The following PHF20 variants were observed in gnomAD, a reference collection of about 807,000 sequenced individuals.
PHF20 encodes the protein glioma-expressed antigen 2.
In PHF20, 23 loss-of-function variants were observed where a neutral mutation model predicts 113.5. The observed-to-expected ratio is 0.20, with a 90% CI of 0.15 to 0.29. The LOEUF (loss-of-function observed/expected upper bound fraction) is 0.29, where lower values mean the gene tolerates loss of function less well. Among genes scored for constraint, PHF20 ranks in the 10% least tolerant of loss-of-function variants. PHF20 has a pLI of 1.00. For synonymous variants in PHF20, 434 were observed against 457.3 expected (o/e 0.95, Z 0.65); for missense variants, 943 against 1,219.6 (o/e 0.77, Z 3.38).
At chr20:35,837,595 A>G (rs1475041647) in intron 2 of PHF20, among the ~76,000 whole-genome samples, 1 of 152,226 alleles carries the variant, frequency 6.6e-6, no homozygotes, top group Non-Finnish European at 1.5e-5. Context: ...TAAAATTGCT[A>G]TTTTGGTAGG....
intron 2 of PHF20, among the ~76,000 whole-genome samples, chr20:35,823,361 G>A (rs2042204398): frequency 6.6e-6 from 1 of 150,452 alleles, no homozygotes; most frequent in African/African-American, 2.5e-5. Context: ...AGCACCTTGG[G>A]AGGACAACGT....
intron 13 of PHF20, among the ~76,000 whole-genome samples, chr20:35,923,476 CAAA>C (rs1244547043): frequency 2.0e-5 from 3 of 152,046 alleles, no homozygotes; most frequent in African/African-American, 7.2e-5. Flanking sequence ...AAAATTTAAA[CAAA>C]GAAGCCCATT....
intron 1 of PHF20, among the ~76,000 whole-genome samples, chr20:35,799,934 G>A (rs1343096714): frequency 2.0e-5 from 3 of 152,102 alleles, no homozygotes; most frequent in Non-Finnish European, 4.4e-5. Context: ...CAAAGTGTTG[G>A]GATTACAGGC....
intron 6 of PHF20, among the ~76,000 whole-genome samples, chr20:35,869,090 CA>C (rs1189259146): frequency 8.6e-4 from 121 of 140,794 alleles, no homozygotes; most frequent in African/African-American, 8.3e-4. Flanking sequence ...GACTCCATCT[CA>C]AAAAAAAAAA....
chr20:35,920,388 A>G (rs894225201), intron 13 of PHF20, among the ~76,000 whole-genome samples: 1 of 152,194 alleles, frequency 6.6e-6, no homozygotes, highest in African/African-American at 2.4e-5. Context: ...AAGCAACTCT[A>G]TGGAGCTAAG....
chr20:35,773,363 C>T (rs2041102281), intron 1 of PHF20, among the ~76,000 whole-genome samples: 1 of 152,168 alleles, frequency 6.6e-6, no homozygotes, highest in South Asian at 2.1e-4. Flanking sequence ...TGGAGCCACA[C>T]TCCCCTTGAG....
chr20:35,932,619 CAG>C (rs937639793), intron 15 of PHF20, among the ~76,000 whole-genome samples: 50 of 142,270 alleles, frequency 3.5e-4, no homozygotes, highest in African/African-American at 1.3e-3. Context: ...TTAGTAGAGA[CAG>C]GGTTTCACCA....
intron 2 of PHF20, among the ~76,000 whole-genome samples, chr20:35,830,496 C>T (rs567705947): frequency 6.6e-6 from 1 of 152,260 alleles, no homozygotes; most frequent in South Asian, 2.1e-4. Context: ...TTTATCTATT[C>T]ATGTATTAGA....
Position 35,913,499 on chromosome 20 carries a change from C to T in PHF20, c.1660+152C>T, listed in dbSNP as rs2147083136. 3 of 672,888 alleles carry T rather than the reference C, an allele frequency of 4.5e-6. No homozygotes were observed. In the East Asian group the frequency reaches 7.7e-5, roughly 17 times the overall value. 41.7% of individuals were successfully genotyped at this position (672,888 alleles called of 1,614,324 possible). On this transcript the variant is annotated intron_variant, in intron 11 of 17. Transcript: ENST00000374012. ...TTGTGGGCTCAACCTAGTATGGGCC[C>T]TGGAAGGGGAGGCATCCACTCACCC...
chr20:35,780,209 C>T (rs1340450465), intron 1 of PHF20, among the ~76,000 whole-genome samples: 1 of 151,386 alleles, frequency 6.6e-6, no homozygotes, highest in Admixed American at 6.6e-5. Context: ...TTGCCACCCT[C>T]ACCCCAGATT....
intron 1 of PHF20, among the ~76,000 whole-genome samples, chr20:35,779,005 T>G (rs2041230446): frequency 6.6e-6 from 1 of 151,970 alleles, no homozygotes; most frequent in Non-Finnish European, 1.5e-5. Flanking sequence ...GGCTTGGGAT[T>G]TAAACAAAGG....
chr20:35,932,606 T>G (rs2147116677), intron 15 of PHF20, among the ~76,000 whole-genome samples: 1 of 150,818 alleles, frequency 6.6e-6, no homozygotes, highest in East Asian at 2.0e-4. Flanking sequence ...AATTTTTGTA[T>G]TTTTAGTAGA....
intron 3 of PHF20, among the ~76,000 whole-genome samples, chr20:35,842,993 C>T (rs2042559034): frequency 6.6e-6 from 1 of 152,074 alleles, no homozygotes; most frequent in Non-Finnish European, 1.5e-5. Flanking sequence ...ACTGCAGTCT[C>T]CACCTCTCGG....
At chr20:35,820,526 G>A (rs1294534787) in intron 2 of PHF20, among the ~76,000 whole-genome samples, 1 of 148,070 alleles carries the variant, frequency 6.8e-6, no homozygotes, top group African/African-American at 2.5e-5. Flanking sequence ...TTGGCTCACT[G>A]CAAGCTCCGC....
chr20:35,799,704 G>C (rs538664755), intron 1 of PHF20, among the ~76,000 whole-genome samples: 1 of 151,516 alleles, frequency 6.6e-6, no homozygotes, highest in East Asian at 1.9e-4. Context: ...GTCTTGCTCT[G>C]TCACCCAGGC....
At chr20:35,933,522 G>T (rs1439979063) in intron 15 of PHF20, among the ~76,000 whole-genome samples, 1 of 151,498 alleles carries the variant, frequency 6.6e-6, no homozygotes, top group African/African-American at 2.4e-5. Context: ...TCAGCCTCCC[G>T]AGTAGCTGGG....
intron 9 of PHF20, among the ~76,000 whole-genome samples, chr20:35,877,106 CAAAAAAAAA>C (rs760494622): frequency 3.1e-5 from 1 of 32,372 alleles, no homozygotes; most frequent in Non-Finnish European, 6.4e-5. Flanking sequence ...GACTCTGTCT[CAAAAAAAAA>C]AAAAAAAAAA....
intron 10 of PHF20, among the ~76,000 whole-genome samples, 173 bp from the exon 11 acceptor site, chr20:35,913,076 C>T (rs79857727): frequency 0.019 from 2,818 of 152,228 alleles, 92 homozygotes; most frequent in African/African-American, 0.065. Context: ...GTGTGCTGAG[C>T]TGGACTGAAA....
At chr20:35,885,718 A>T (rs148148936) in intron 9 of PHF20, among the ~76,000 whole-genome samples, 261 of 152,144 alleles carry the variant, frequency 1.7e-3, no homozygotes, top group Non-Finnish European at 2.2e-3. Context: ...TTTACTGGTG[A>T]CATTAACTTT....
Sources: gnomAD v4.1 joint callset for allele counts (sites outside exome capture counted in the v4.1 genomes callset) on GRCh38, gnomAD v4.1.1 for gene constraint, MANE v1.5 for transcripts, NCBI Gene and HGNC (gene_info 2026-07-23, HGNC 2026-07-21) for gene names.